The following SGMS1 variants were observed in gnomAD, a reference collection of about 807,000 sequenced individuals.
The protein encoded by SGMS1 is sphingomyelin synthase 1, also known as phosphatidylcholine:ceramide cholinephosphotransferase 1.
A neutral mutation model predicts 46.2 loss-of-function variants in SGMS1; 13 were observed. The observed-to-expected ratio is 0.28, with a 90% confidence interval of 0.18 to 0.45. The LOEUF is 0.45. Ranked by LOEUF, SGMS1 falls within the 20% of genes least tolerant of loss-of-function variation. The probability of loss-of-function intolerance (pLI) is 1.00; values close to 1 mark genes in which losing one functional copy is unlikely to be tolerated. For missense variants in SGMS1, 324 were observed against 519.9 expected (o/e 0.62, Z 3.66); for synonymous variants, 203 against 187.8 (o/e 1.08, Z -0.66).
At chr10:50,624,768 C>T (rs952870445), upstream of SGMS1, 1 of 985,308 alleles carries the variant, frequency 1.0e-6, no homozygotes, top group Non-Finnish European at 1.2e-6. Context: ...GGATGGACAG[C>T]GGGGAGAGCT....
intron 5 of SGMS1, among the ~76,000 whole-genome samples, chr10:50,456,908 A>C (rs979418792): frequency 4.6e-5 from 7 of 152,190 alleles, no homozygotes; most frequent in Non-Finnish European, 8.8e-5. Context: ...ACAGTCATGC[A>C]CAGCGCTTGT....
intron 2 of SGMS1, among the ~76,000 whole-genome samples, chr10:50,523,673 T>G (rs940716268): frequency 1.3e-5 from 2 of 152,276 alleles, no homozygotes; most frequent in Non-Finnish European, 2.9e-5. Flanking sequence ...ATAAATCATT[T>G]TCTGGTGTAT....
At chr10:50,617,902 G>C (rs1387187807) in intron 1 of SGMS1, among the ~76,000 whole-genome samples, 1 of 137,564 alleles carries the variant, frequency 7.3e-6, no homozygotes, top group Admixed American at 7.5e-5. Context: ...TTTTTTTGTA[G>C]AGACAGGGTC....
chr10:50,447,707 A>C (rs1043155604), intron 5 of SGMS1, among the ~76,000 whole-genome samples: 3 of 152,202 alleles, frequency 2.0e-5, no homozygotes, highest in African/African-American at 7.2e-5. Flanking sequence ...GGAATAGCTA[A>C]ATGGAACTAA....
intron 1 of SGMS1, among the ~76,000 whole-genome samples, chr10:50,606,653 T>C (rs1838696950): frequency 6.6e-6 from 1 of 152,242 alleles, no homozygotes. Flanking sequence ...AGTCTCAGTC[T>C]GGAAAGCTAA....
chr10:50,614,921 T>C (rs1049422660), intron 1 of SGMS1, among the ~76,000 whole-genome samples: 2 of 152,248 alleles, frequency 1.3e-5, no homozygotes, highest in African/African-American at 2.4e-5. Context: ...ATCCATTTCA[T>C]TGGGTCAAGG....
chr10:50,424,775 A>G (rs1203422), intron 6 of SGMS1, among the ~76,000 whole-genome samples: 131,364 of 152,088 alleles, frequency 0.86, 56,856 homozygotes, highest in East Asian at 1. Context: ...AGTCGGGCAT[A>G]GTGGCACATG....
chr10:50,621,662 G>T (rs754631626), intron 1 of SGMS1, among the ~76,000 whole-genome samples: 1 of 152,176 alleles, frequency 6.6e-6, no homozygotes, highest in Non-Finnish European at 1.5e-5. Flanking sequence ...TACATCTCTG[G>T]AGTTAATGTC....
chr10:50,338,940 A>C (rs990063394), intron 7 of SGMS1, among the ~76,000 whole-genome samples: 1 of 151,890 alleles, frequency 6.6e-6, no homozygotes, highest in Non-Finnish European at 1.5e-5. Flanking sequence ...GGTTTCTCCA[A>C]GTTGTGAGGC....
At chr10:50,621,733 A>C (rs1162950251) in intron 1 of SGMS1, among the ~76,000 whole-genome samples, 1 of 152,254 alleles carries the variant, frequency 6.6e-6, no homozygotes, top group Non-Finnish European at 1.5e-5. Flanking sequence ...AGAGTTGCAG[A>C]AATGTATCTT....
chr10:50,330,885 AC>A (rs1461620418), intron 7 of SGMS1, among the ~76,000 whole-genome samples: 1 of 152,200 alleles, frequency 6.6e-6, no homozygotes, highest in Non-Finnish European at 1.5e-5. Context: ...CTGTATCTTT[AC>A]ATAGATGCTA....
rs1847992645 is a variant in SGMS1, at chr10:50,350,623, T to C, written c.-231-6278A>G. On this transcript the variant is annotated intron_variant, in intron 6 of 10. Coordinates refer to ENST00000361781, the MANE Select transcript of SGMS1 (RefSeq NM_147156.4). ...TTGGTGCCCTGTGTCCCAGGCACTC[T>C]AGCAGTGGCTGAAAGGGGCCAAAAT... 3.3e-5 allele frequency among the ~76,000 whole-genome samples: 5 copies of C among 152,168 alleles called. No individual in the cohort carries two copies. In the South Asian group the frequency reaches 1.0e-3, roughly 32 times the overall value.
intron 1 of SGMS1, chr10:50,590,526 T>G (rs1230316616): frequency 6.6e-6 from 1 of 152,168 alleles, no homozygotes; most frequent in Non-Finnish European, 1.5e-5. Context: ...TGAAGTATGA[T>G]TGACAAATAA....
chr10:50,353,388 A>G (rs1848060508), intron 6 of SGMS1, among the ~76,000 whole-genome samples: 2 of 152,420 alleles, frequency 1.3e-5, no homozygotes, highest in South Asian at 2.1e-4. Context: ...AAATTCAACA[A>G]CCCTTCATGC....
chr10:50,402,802 T>C (rs767507474), intron 6 of SGMS1, among the ~76,000 whole-genome samples: 2 of 151,990 alleles, frequency 1.3e-5, no homozygotes, highest in African/African-American at 2.4e-5. Flanking sequence ...ATGATTTGTA[T>C]AGTGAAGTCT....
At chr10:50,328,208 A>G (rs190699991) in intron 7 of SGMS1, 190 of 246,792 alleles carry the variant, frequency 7.7e-4, no homozygotes, top group Non-Finnish European at 1.4e-3. Context: ...TAACCTCATT[A>G]AAGTCTGGTG....
At chr10:50,318,001 A>C (rs1175045230) in intron 8 of SGMS1, among the ~76,000 whole-genome samples, 1 of 151,928 alleles carries the variant, frequency 6.6e-6, no homozygotes. Flanking sequence ...ACAGGGTTTC[A>C]CTGTGTTGCC....
At chr10:50,397,391 A>G (rs962762050) in intron 6 of SGMS1, among the ~76,000 whole-genome samples, 11 of 152,242 alleles carry the variant, frequency 7.2e-5, no homozygotes, top group Non-Finnish European at 1.6e-4. Context: ...GAAGAAACCA[A>G]GTATGGTTAG....
intron 2 of SGMS1, among the ~76,000 whole-genome samples, chr10:50,534,546 T>A (rs1053807902): frequency 6.6e-6 from 1 of 152,236 alleles, no homozygotes; most frequent in Admixed American, 6.5e-5. Flanking sequence ...AGTTTGAATC[T>A]ATCTTAAGGA....
Sources: gnomAD v4.1 joint callset for allele counts (sites outside exome capture counted in the v4.1 genomes callset) on GRCh38, gnomAD v4.1.1 for gene constraint, MANE v1.5 for transcripts, NCBI Gene and HGNC (gene_info 2026-07-23, HGNC 2026-07-21) for gene names.